ANKS1B: variants seen among roughly 807,000 people sequenced by gnomAD.
ANKS1B encodes the protein ankyrin repeat and sterile alpha motif domain containing 1B.
Under a neutral mutation model 148.3 loss-of-function variants are expected in ANKS1B, and 36 were observed. The ratio of observed to expected loss-of-function variants is 0.24; its 90% CI spans 0.19 to 0.32. The LOEUF is 0.32. ANKS1B is among the 10% of genes least tolerant of loss of function. ANKS1B has a pLI of 1.00. For missense variants in ANKS1B, 1,157 were observed against 1,542.6 expected, an observed-to-expected ratio of 0.75 and a Z score of 4.19; for synonymous variants, 542 against 560.8, an observed-to-expected ratio of 0.97 and a Z score of 0.47.
At chr12:99,413,115 A>G (rs967919589) in intron 11 of ANKS1B, among the ~76,000 whole-genome samples, 1 of 152,242 alleles carries the variant, frequency 6.6e-6, no homozygotes, top group African/African-American at 2.4e-5. Context: ...GTGAGTATTG[A>G]GTATTTAAGA....
At chr12:99,104,307 G>A (rs1355500139) in intron 15 of ANKS1B, among the ~76,000 whole-genome samples, 1 of 152,102 alleles carries the variant, frequency 6.6e-6, no homozygotes, top group African/African-American at 2.4e-5. Flanking sequence ...AAGAATAAGT[G>A]TCCAGAAGTT....
intron 17 of ANKS1B, among the ~76,000 whole-genome samples, chr12:98,898,678 A>T (rs2099768115): frequency 6.6e-6 from 1 of 152,192 alleles, no homozygotes; most frequent in African/African-American, 2.4e-5. Flanking sequence ...AATTTATGTC[A>T]TTTGAAAAAC....
intron 11 of ANKS1B, among the ~76,000 whole-genome samples, chr12:99,415,759 C>T (rs1032443729): frequency 6.6e-6 from 1 of 151,686 alleles, no homozygotes; most frequent in Admixed American, 6.6e-5. Context: ...TCTCGGCTCA[C>T]GGCAAGCTCC....
At chr12:99,074,577 A>G (rs142578849) in intron 16 of ANKS1B, among the ~76,000 whole-genome samples, 194 of 152,292 alleles carry the variant, frequency 1.3e-3, no homozygotes, top group Non-Finnish European at 2.2e-3. Flanking sequence ...AACAATGGCC[A>G]TTCCTTCTCT....
At chr12:99,294,034 CAGCA>C (rs1239371367) in intron 12 of ANKS1B, among the ~76,000 whole-genome samples, 2 of 152,062 alleles carry the variant, frequency 1.3e-5, no homozygotes, top group African/African-American at 4.8e-5. Flanking sequence ...TAATGAATGC[CAGCA>C]AGGATGTGGA....
rs561804616 is a variant in ANKS1B, at chr12:99,255,165, AATTT to A, written c.1757-8305_1757-8302del. ...TGGAAAGATTTCAAATTATTCATTA[AATTT>A]ATTTAGTATAGAACTATCTGGAGTC... On this transcript the variant is annotated intron_variant, in intron 12 of 26. Coordinates refer to ENST00000683438, the MANE Select transcript of ANKS1B (RefSeq NM_001352186.2). Among the ~76,000 whole-genome samples the A allele has an allele frequency of 5.8e-3, 877 of 152,222 alleles. 3 individuals carry two copies. The highest frequency in any genetic ancestry group is 9.3e-3 in the Non-Finnish European group (633 of 67,976).
chr12:99,606,844 A>C (rs1169190602), intron 9 of ANKS1B, among the ~76,000 whole-genome samples: 1 of 152,106 alleles, frequency 6.6e-6, no homozygotes, highest in Non-Finnish European at 1.5e-5. Context: ...TCTTTTAAAA[A>C]ACAAAACCAA....
At chr12:99,984,024 A>C in intron 1 of ANKS1B, 80 bp downstream of exon 1, 47 of 1,273,966 alleles carry the variant, frequency 3.7e-5, no homozygotes, top group Middle Eastern at 2.0e-4. Context: ...ACCAGGTGCA[A>C]TAACCGTGAG....
chr12:99,309,057 C>T (rs1028872329), intron 12 of ANKS1B, among the ~76,000 whole-genome samples: 1 of 151,504 alleles, frequency 6.6e-6, no homozygotes, highest in Non-Finnish European at 1.5e-5. Context: ...AGGAACCTGG[C>T]TAAACTCCCT....
chr12:98,924,563 A>AT (rs1464882947), intron 17 of ANKS1B, among the ~76,000 whole-genome samples: 2 of 151,958 alleles, frequency 1.3e-5, no homozygotes, highest in South Asian at 2.1e-4. Flanking sequence ...CCATTGGTCG[A>AT]TTTTACCTTC....
At chr12:99,569,252 A>C (rs1169040415) in intron 9 of ANKS1B, among the ~76,000 whole-genome samples, 1 of 152,206 alleles carries the variant, frequency 6.6e-6, no homozygotes, top group Non-Finnish European at 1.5e-5. Context: ...TGGAGGCTAT[A>C]ATTACTGGTG....
intron 12 of ANKS1B, among the ~76,000 whole-genome samples, chr12:99,340,648 G>T (rs544356152): frequency 5.9e-5 from 9 of 151,936 alleles, no homozygotes; most frequent in African/African-American, 2.2e-4. Flanking sequence ...CAGATATCAG[G>T]TTTCTAGATA....
chr12:99,290,008 C>A (rs2079710403), intron 12 of ANKS1B, among the ~76,000 whole-genome samples: 1 of 149,596 alleles, frequency 6.7e-6, no homozygotes, highest in South Asian at 2.1e-4. Flanking sequence ...AAAAGATAAA[C>A]AAAAATGAAA....
At chr12:98,933,669 T>C (rs1203378878) in intron 17 of ANKS1B, among the ~76,000 whole-genome samples, 1 of 152,050 alleles carries the variant, frequency 6.6e-6, no homozygotes, top group Non-Finnish European at 1.5e-5. Flanking sequence ...GGTGTCTTTT[T>C]AAAAAAATAA....
chr12:99,735,680 A>G (rs972170203), intron 8 of ANKS1B, among the ~76,000 whole-genome samples: 2 of 152,054 alleles, frequency 1.3e-5, no homozygotes, highest in African/African-American at 4.8e-5. Flanking sequence ...TCTACCAAAC[A>G]TATAAAGAAG....
At chr12:99,176,737 C>G (rs1266147215) in intron 14 of ANKS1B, among the ~76,000 whole-genome samples, 2 of 152,076 alleles carry the variant, frequency 1.3e-5, no homozygotes, top group Non-Finnish European at 2.9e-5. Context: ...AAGTGTCTGG[C>G]ACCTCCTCCT....
intron 12 of ANKS1B, among the ~76,000 whole-genome samples, chr12:99,300,790 T>A (rs1366006793): frequency 6.6e-6 from 1 of 152,194 alleles, no homozygotes; most frequent in Non-Finnish European, 1.5e-5. Context: ...GAGGCATACT[T>A]TGGCTGTGCA....
chr12:99,134,751 C>A (rs1453678349), intron 15 of ANKS1B, among the ~76,000 whole-genome samples: 3 of 150,784 alleles, frequency 2.0e-5, no homozygotes, highest in Non-Finnish European at 4.4e-5. Context: ...GGCTAACTCT[C>A]TAAAGACATT....
chr12:99,440,555 G>T (rs2095533560), intron 11 of ANKS1B, among the ~76,000 whole-genome samples: 2 of 151,756 alleles, frequency 1.3e-5, no homozygotes, highest in Admixed American at 6.6e-5. Context: ...TCACAATCTA[G>T]AGGATTTTAA....
Sources: gnomAD v4.1 joint callset for allele counts (sites outside exome capture counted in the v4.1 genomes callset) on GRCh38, gnomAD v4.1.1 for gene constraint, MANE v1.5 for transcripts, NCBI Gene and HGNC (gene_info 2026-07-23, HGNC 2026-07-21) for gene names.